The following MDN1 variants were observed in gnomAD, a reference collection of about 807,000 sequenced individuals.
MDN1 encodes the protein midasin.
MDN1 carries 266 observed loss-of-function variants against 669.2 expected under a neutral mutation model. The ratio of observed to expected loss-of-function variants is 0.40; its 90% confidence interval spans 0.36 to 0.44. MDN1 has a LOEUF of 0.44. Among genes scored for constraint, MDN1 ranks in the 20% least tolerant of loss-of-function variants. MDN1 has a pLI of 1.00. For missense variants in MDN1, 5,940 were observed against 6,754.0 expected, an observed-to-expected ratio of 0.88 and a Z score of 4.22; for synonymous variants, 2,385 against 2,457.1, an observed-to-expected ratio of 0.97 and a Z score of 0.87.
At chr6:89,726,196 C>T (rs1186962729) in intron 37 of MDN1, among the ~76,000 whole-genome samples, 1 of 152,058 alleles carries the variant, frequency 6.6e-6, no homozygotes, top group Non-Finnish European at 1.5e-5. Context: ...AGTGGTGGCT[C>T]ATGCCTGTAA....
At position 89,672,646 on chromosome 6, in the gene MDN1, C is replaced by T. The variant is rs1407989012; in HGVS notation, c.13531G>A (p.Ala4511Thr). ...VEDFSEQMEI[A>T]IRAILCAIQN... ...ATGGCACAGAGGATGGCTCGGATGG[C>T]AATTTCCATTTGCTCTGAAAAATCT... The change falls in exon 81 of 102, where the codon GCC becomes ACC. Residue 4511 changes from alanine to threonine, a missense_variant. Ala to Thr is a moderately conservative substitution (Grantham distance 58). Around this residue, in one of 5 missense-constraint regions of MDN1, gnomAD observed 2,280 missense variants for 2,576.3 expected, o/e 0.88. Coordinates refer to ENST00000369393, the MANE Select transcript of MDN1 (RefSeq NM_014611.3). The T allele has an allele frequency of 6.2e-7, 1 of 1,614,088 alleles. No homozygotes were observed.
chr6:89,729,677 G>GTTTTTTTTTTTTTTTTTTTT (rs35914010), intron 35 of MDN1, among the ~76,000 whole-genome samples: 17 of 100,758 alleles, frequency 1.7e-4, no homozygotes, highest in East Asian at 3.1e-4. Flanking sequence ...TTTTGTTTTC[G>GTTTTTTTTTTTTTTTTTTTT]TTTTTTTTTT....
rs1053675405 is a variant in MDN1 at position 89,799,158 on chromosome 6, G to A, written c.329+4170C>T. On this transcript the variant is annotated intron_variant, in intron 2 of 101. Coordinates refer to ENST00000369393, the MANE Select transcript of MDN1 (RefSeq NM_014611.3). ...TATGGCCGCATGACTGGCCAAATACGGTACCTTACACATGGACCATGTCTT... is the reference window on the plus strand; with the variant it reads ...TATGGCCGCATGACTGGCCAAATACAGTACCTTACACATGGACCATGTCTT... Among the ~76,000 whole-genome samples the A allele has an allele frequency of 2.0e-5, 3 of 152,102 alleles. No individual in the cohort carries two copies. In the East Asian group the frequency reaches 5.8e-4, roughly 29 times the overall value.
Position 89,738,403 on chromosome 6 carries a change from G to C in MDN1, c.4646C>G (p.Thr1549Arg). 1 of 1,613,970 alleles carries C rather than the reference G, an allele frequency of 6.2e-7. No individual in the cohort carries two copies. The highest frequency in any genetic ancestry group is 8.5e-7 in the Non-Finnish European group (1 of 1,179,928). Residue 1549 changes from threonine (T) to arginine (R), a missense_variant, in exon 33 of 102, where the codon ACA (threonine) becomes AGA (arginine). Coordinates refer to ENST00000369393, the MANE Select transcript of MDN1 (RefSeq NM_014611.3). The part of the protein sequence containing the change: ...RFTEIWCPQS[T>R]SREDLIQIIS... ...GATCTGAATTAAATCTTCACGGCTT[G>C]TGCTTTGAGGGCACCATATTTCTGT...
intron 99 of MDN1, among the ~76,000 whole-genome samples, chr6:89,647,341 T>C (rs980382590): frequency 6.6e-6 from 1 of 152,216 alleles, no homozygotes; most frequent in Admixed American, 6.5e-5. Context: ...AGAAATATGA[T>C]CCCATGCTGT....
intron 83 of MDN1, 72 bp downstream of exon 83, chr6:89,670,847 C>T (rs533621913): frequency 2.0e-6 from 3 of 1,506,608 alleles, no homozygotes; most frequent in Non-Finnish European, 2.7e-6. Context: ...AAGCCTATCA[C>T]ACCAAAGACT....
rs778074761 is a variant in MDN1 at position 89,819,498 on chromosome 6, C to G, written c.102+8G>C. 3.1e-6 allele frequency: 5 copies of G among 1,605,018 alleles called. No individual in the cohort carries two copies. The African/African-American group carries it at 4.0e-5, about 13-fold the overall frequency. On this transcript the variant is annotated splice_region_variant and intron_variant, in intron 1 of 101. Transcript: ENST00000369393. ...TTCCGGCGCTTTCCCTCTCCCTTCA[C>G]GTCTTACCTGCTTGGCCAAGAACCT...
chr6:89,738,222 C>A, intron 33 of MDN1, 104 bp downstream of exon 33: 2 of 1,304,384 alleles, frequency 1.5e-6, no homozygotes, highest in Non-Finnish European at 2.1e-6. Flanking sequence ...CTTCTTATAA[C>A]ACACCATATA....
rs560435437 is a variant in MDN1, at chr6:89,758,017, C to T, written c.2702+238G>A. On this transcript the variant is annotated intron_variant, in intron 19 of 101. Transcript: ENST00000369393. The stretch of plus-strand genomic sequence containing the variant: ...GAGCCAAAATCACACCACTGCACTC[C>T]AGCCTGGGCAACAGAGCAAGACTCT... 4.6e-5 allele frequency among the ~76,000 whole-genome samples: 7 copies of T among 152,296 alleles called. No individual in the cohort carries two copies. In the East Asian group the frequency reaches 1.4e-3, roughly 29 times the overall value.
At chr6:89,805,976 C>T (rs9353699) in intron 1 of MDN1, among the ~76,000 whole-genome samples, 23,651 of 151,890 alleles carry the variant, frequency 0.16, 2,170 homozygotes, top group African/African-American at 0.25. Context: ...CTTGGTCTGT[C>T]GCCCAGACTG....
Position 89,658,324 on chromosome 6 carries a change from T to C in MDN1, c.15068A>G (p.Glu5023Gly). Residue 5023 changes from glutamate (E) to glycine (G), a missense_variant, in exon 90 of 102, where the codon GAG becomes GGG. By Grantham distance (98) the Glu-to-Gly change is moderately conservative. Transcript: ENST00000369393. ...EDSDTEEQVPEALERKEHASC... is the reference protein window; with the variant it reads ...EDSDTEEQVPGALERKEHASC... Reference sequence around the variant, plus strand: ...GGCATGCTCCTTCCTCTCCAAAGCCTCTGGCACCTGCTCCTCTGTATCAGA... The same window carrying C: ...GGCATGCTCCTTCCTCTCCAAAGCCCCTGGCACCTGCTCCTCTGTATCAGA... The C allele has an allele frequency of 1.2e-6, 2 of 1,614,126 alleles. No homozygotes were observed. The highest frequency in any genetic ancestry group is 1.6e-4 in the Middle Eastern group (1 of 6,062).
At chr6:89,684,768 C>A in intron 71 of MDN1, 108 bp downstream of exon 71, 1 of 666,166 alleles carries the variant, frequency 1.5e-6, no homozygotes, top group East Asian at 2.7e-5. Flanking sequence ...ATGCTCACCT[C>A]TATTCCCCTA....
intron 8 of MDN1, among the ~76,000 whole-genome samples, chr6:89,786,180 A>G (rs944040544): frequency 1.3e-5 from 2 of 152,158 alleles, no homozygotes; most frequent in African/African-American, 2.4e-5. Context: ...AATCGCTTGA[A>G]CCCGGGAGGC....
chr6:89,749,301 C>G lies in MDN1; in HGVS notation c.3684G>C (p.Leu1228Phe). 6.2e-7 allele frequency: 1 copy of G among 1,614,034 alleles called. No homozygotes were observed. Among genetic ancestry groups the G allele is most frequent in the Non-Finnish European group, 8.5e-7 (1 of 1,179,992 alleles). The change falls in exon 26 of 102, where the codon TTG becomes TTC. Residue 1228 changes from leucine (L) to phenylalanine (F), a missense_variant. This residue lies in a region of MDN1 where 2,292 missense variants were observed against 2,638.3 expected (regional missense o/e 0.87). Transcript: ENST00000369393. ...LHFDELPSSE[L>F]ETILHKRCSL... is the part of the protein sequence containing the mutation. ...TACACCGCTTGTGCAAGATTGTTTC[C>G]AACTCGGAGCTAGGTAACTCATCAA... is the stretch of plus-strand genomic sequence containing the variant.
intron 24 of MDN1, 57 bp downstream of exon 24, chr6:89,750,297 G>A (rs1816873133): frequency 2.7e-6 from 4 of 1,487,952 alleles, no homozygotes; most frequent in Non-Finnish European, 3.7e-6. Flanking sequence ...TATTACTTAA[G>A]GAAATGTGTG....
chr6:89,727,808 TGG>T, intron 37 of MDN1, 23 bp downstream of exon 37: 1 of 1,610,424 alleles, frequency 6.2e-7, no homozygotes, highest in African/African-American at 1.3e-5. Context: ...ATCACCGTCT[TGG>T]GCATGACAAA....
chr6:89,673,019 C>A (rs1033294077), intron 80 of MDN1, among the ~76,000 whole-genome samples: 2 of 152,182 alleles, frequency 1.3e-5, no homozygotes, highest in Non-Finnish European at 2.9e-5. Flanking sequence ...GCTGATGCTG[C>A]CTTCCTATGT....
At chr6:89,789,676 A>G in intron 7 of MDN1, 104 bp downstream of exon 7, 2 of 1,354,138 alleles carry the variant, frequency 1.5e-6, no homozygotes, top group Non-Finnish European at 2.0e-6. Context: ...ACGTCTAATC[A>G]AATACATTTT....
At chr6:89,792,969 G>A (rs1429857447) in intron 5 of MDN1, among the ~76,000 whole-genome samples, 1 of 152,108 alleles carries the variant, frequency 6.6e-6, no homozygotes, top group African/African-American at 2.4e-5. Context: ...GCAGTGAGCC[G>A]AGGTTCTGCC....
Sources: gnomAD v4.1 joint callset for allele counts (sites outside exome capture counted in the v4.1 genomes callset) on GRCh38, gnomAD v4.1.1 for gene constraint, gnomAD v4.1.1 regional missense constraint, MANE v1.5 for transcripts, NCBI Gene and HGNC (gene_info 2026-07-23, HGNC 2026-07-21) for gene names.